Variants in ZNF814 observed in about 807,000 individuals in gnomAD.
ZNF814 encodes zinc finger protein 814.
In ZNF814, 5 loss-of-function variants were observed where a neutral mutation model predicts 7.5. The observed-to-expected ratio is 0.67, with a 90% CI of 0.35 to 1.40. ZNF814 has a LOEUF of 1.40. Among genes scored for constraint, ZNF814 ranks in the 40% most tolerant of loss-of-function variants. ZNF814 has a pLI of 0.04. For missense variants in ZNF814, 962 were observed against 1,018.0 expected, an observed-to-expected ratio of 0.94 and a Z score of 0.75; for synonymous variants, 315 against 340.7, an observed-to-expected ratio of 0.92 and a Z score of 0.83.
the ZNF814 span, among the ~76,000 whole-genome samples, chr19:57,898,857 C>CG: frequency 6.6e-6 from 1 of 150,854 alleles, no homozygotes; most frequent in East Asian, 2.0e-4. Context: ...AGGAGAATGG[C>CG]TGAACCAGGG....
At chr19:57,905,097 T>C in the ZNF814 span, among the ~76,000 whole-genome samples, 1 of 138,442 alleles carries the variant, frequency 7.2e-6, no homozygotes, top group African/African-American at 2.7e-5. Flanking sequence ...AATCCTCGAA[T>C]GTTCTCTGAA....
At position 57,873,848 on chromosome 19, in the gene ZNF814, G is replaced by A. The variant is rs2071579162; in HGVS notation, c.1542C>T (p.His514=). 6.2e-7 allele frequency: 1 copy of A among 1,613,890 alleles called. No individual in the cohort carries two copies. The highest frequency in any genetic ancestry group is 1.3e-5 in the African/African-American group (1 of 74,874). ...CACACTCATAAGGTCTTGCTCCAGT[G>A]TGAACTCGCTGGTGTAGAACGAGGT... is the stretch of plus-strand genomic sequence containing the variant. ...KGNLVLHQRV[H]TGARPYECGE... Residue 514 remains histidine (H), a synonymous_variant, in exon 3 of 3, where the codon CAC becomes CAT. Coordinates refer to ENST00000435989, the MANE Select transcript of ZNF814 (RefSeq NM_001144989.2).
rs759571491 is a variant in ZNF814, at chr19:57,874,129, T to A, written c.1261A>T (p.Ser421Cys). Residue 421 changes from serine to cysteine, a missense_variant, in exon 3 of 3, where the codon AGC (serine) becomes TGC (cysteine). Ser to Cys is a moderately radical substitution (Grantham distance 112). Coordinates refer to ENST00000435989, the MANE Select transcript of ZNF814 (RefSeq NM_001144989.2). ...GECGKSFSQKSSLIQHQRFHT... is the reference protein window; with the variant it reads ...GECGKSFSQKCSLIQHQRFHT... ...AATCGCTGATGTTGAATGAGGCTGC[T>A]CTTTTGACTAAAGGATTTCCCACAT... 3.1e-6 allele frequency: 5 copies of A among 1,597,600 alleles called. No homozygotes were observed. In the South Asian group the frequency reaches 5.6e-5, roughly 18 times the overall value.
At chr19:57,880,108 A>G (rs144794875) in intron 1 of ZNF814, among the ~76,000 whole-genome samples, 20,270 of 120,450 alleles carry the variant, frequency 0.17, 599 homozygotes, top group East Asian at 0.24. Flanking sequence ...AAAAAAAAAA[A>G]GCAAAAACAA....
chr19:57,870,915 G>C lies in ZNF814; in HGVS notation c.*1907C>G, dbSNP rs2071551876. On this transcript the variant is annotated 3_prime_UTR_variant, in exon 3 of 3. Transcript: ENST00000435989. ...GAATCGTTTGAACCTGGGAGGCAGAGGTTGCCGTGAGCCAAGATTATGCCA... is the reference window on the plus strand; with the variant it reads ...GAATCGTTTGAACCTGGGAGGCAGACGTTGCCGTGAGCCAAGATTATGCCA... 1 of 152,116 alleles carries C rather than the reference G, an allele frequency of 6.6e-6. No individual in the cohort carries two copies. Among genetic ancestry groups the C allele is most frequent in the Admixed American group, 6.6e-5 (1 of 15,254 alleles). 9.4% of individuals were successfully genotyped at this position (152,116 alleles called of 1,614,324 possible).
In ZNF814 at chr19:57,874,016, G is replaced by A. The variant is rs535111017; in HGVS notation, c.1374C>T (p.His458=). ...CACACTTGAAAGGTCTTTCTCCGGC[G>A]TGAACTCGTTGATGGCTCCTAAGAT... is the stretch of plus-strand genomic sequence containing the variant. ...EGHLRSHQRV[H]AGERPFKCGE... Residue 458 remains histidine (H), a synonymous_variant, in exon 3 of 3, where the codon CAC becomes CAT. Transcript: ENST00000435989. The A allele has an allele frequency of 1.5e-5, 24 of 1,613,354 alleles. No homozygotes were observed. The highest frequency in any genetic ancestry group is 6.7e-5 in the African/African-American group (5 of 74,940).
chr19:57,878,354 T>C (rs1467414972), intron 1 of ZNF814, among the ~76,000 whole-genome samples: 1 of 151,944 alleles, frequency 6.6e-6, no homozygotes, highest in Admixed American at 6.6e-5. Context: ...ATTGACTTAT[T>C]TGAATAACTC....
rs114919501 is a variant in ZNF814, at chr19:57,884,489, C to T, written c.36+4278G>A. Among the ~76,000 whole-genome samples the T allele has an allele frequency of 4.8e-3, 731 of 152,232 alleles. 4 individuals are homozygous for T. Among genetic ancestry groups the T allele is most frequent in the African/African-American group, 0.017 (710 of 41,538 alleles). ...GCTAGCCAAGGCAAGGTGGCACATG[C>T]CTGTGGTGGTCCCTGCCACTTGGGA... On this transcript the variant is annotated intron_variant, in intron 1 of 2. Transcript: ENST00000435989.
rs756390818 is a variant in ZNF814 at position 57,873,761 on chromosome 19, A to G, written c.1629T>C (p.Thr543=). 2 of 1,613,708 alleles carry G rather than the reference A, an allele frequency of 1.2e-6. No homozygotes were observed. The highest frequency in any genetic ancestry group is 1.7e-6 in the Non-Finnish European group (2 of 1,179,922). ...GHLRNHQQIH[T]GDRLYECGEC... The stretch of plus-strand genomic sequence containing the variant: ...CTCCACACTCATAAAGTCTGTCCCC[A>G]GTGTGAATTTGCTGATGGTTCCTAA... Residue 543 remains threonine, a synonymous_variant, in exon 3 of 3, where the codon ACT becomes ACC. Transcript: ENST00000435989.
chr19:57,877,124 C>A (rs1347794479), intron 1 of ZNF814, 82 bp from the exon 2 acceptor site: 2 of 1,567,932 alleles, frequency 1.3e-6, no homozygotes, highest in South Asian at 1.2e-5. Flanking sequence ...CATCTACTCT[C>A]GCACATCCTC....
rs763230200 is a variant in ZNF814 at position 57,873,726 on chromosome 19, T to A, written c.1664A>T (p.Lys555Ile). The change falls in exon 3 of 3, where the codon AAA (lysine) becomes ATA (isoleucine). Residue 555 changes from lysine (K) to isoleucine (I), a missense_variant. This residue lies in a region of ZNF814 where 665 missense variants were observed against 551.4 expected (regional missense o/e 1.21). Coordinates refer to ENST00000435989, the MANE Select transcript of ZNF814 (RefSeq NM_001144989.2). ...DRLYECGECG[K>I]SFSHKGTLIL... Reference sequence around the variant, plus strand: ...GAGGGTGCCTTTATGACTAAAAGATTTCCCACACTCTCCACACTCATAAAG... The same window carrying A: ...GAGGGTGCCTTTATGACTAAAAGATATCCCACACTCTCCACACTCATAAAG... 6.2e-7 allele frequency: 1 copy of A among 1,613,472 alleles called. No individual in the cohort carries two copies. The highest frequency in any genetic ancestry group is 8.5e-7 in the Non-Finnish European group (1 of 1,179,744).
the ZNF814 span, among the ~76,000 whole-genome samples, chr19:57,894,453 T>C: frequency 2.0e-5 from 3 of 151,984 alleles, no homozygotes; most frequent in Non-Finnish European, 4.4e-5. Context: ...TTTTAGTCTG[T>C]AAATGAAACA....
intron 1 of ZNF814, among the ~76,000 whole-genome samples, chr19:57,882,687 T>G (rs2071658359): frequency 7.2e-6 from 1 of 138,224 alleles, no homozygotes; most frequent in Non-Finnish European, 1.5e-5. Context: ...TCTGCAAGAG[T>G]CACAGCATTA....
chr19:57,872,717 G>A lies in ZNF814; in HGVS notation c.*105C>T, dbSNP rs1219984814. 6.2e-7 allele frequency: 1 copy of A among 1,606,438 alleles called. No homozygotes were observed. The highest frequency in any genetic ancestry group is 2.2e-5 in the East Asian group (1 of 44,774). On this transcript the variant is annotated 3_prime_UTR_variant, in exon 3 of 3. Coordinates refer to ENST00000435989, the MANE Select transcript of ZNF814 (RefSeq NM_001144989.2). ...ACAGAATGCAGAGCTGTGGGTAGAT[G>A]ACTTCCCACAATCACTGCATTCATA...
At position 57,870,274 on chromosome 19, in the gene ZNF814, G is replaced by A. The variant is rs748165716; in HGVS notation, c.*2548C>T. The A allele has an allele frequency of 1.3e-5, 2 of 152,098 alleles. No homozygotes were observed. The highest frequency in any genetic ancestry group is 2.9e-5 in the Non-Finnish European group (2 of 68,012). The allele number at this position is 152,098 out of a possible 1,614,324, so 9.4% of individuals were successfully genotyped here. A position where few individuals can be genotyped will look rare whatever the true frequency, so the allele number is the denominator to read the frequency against. ...AAATAATAATAATAATTAAAAAAAT[G>A]CAGTTCAAAAGAAAAATATAGATTT... On this transcript the variant is annotated 3_prime_UTR_variant, in exon 3 of 3. Transcript: ENST00000435989.
In ZNF814 at chr19:57,874,060, A is replaced by T. The variant is rs2071582117; in HGVS notation, c.1330T>A (p.Ser444Thr). 3 of 1,609,638 alleles carry T rather than the reference A, an allele frequency of 1.9e-6. No homozygotes were observed. The highest frequency in any genetic ancestry group is 1.7e-5 in the Admixed American group (1 of 58,904). Residue 444 changes from serine (S) to threonine (T), a missense_variant, in exon 3 of 3, where the codon TCT becomes ACT. Around this residue, in one of 7 missense-constraint regions of ZNF814, gnomAD observed 665 missense variants for 551.4 expected, o/e 1.21. Transcript: ENST00000435989. ...CTAAGATGTCCTTCTGAACTAAAAGATTTCCCACATTCTTCACACCCATAA... is the reference window on the plus strand; with the variant it reads ...CTAAGATGTCCTTCTGAACTAAAAGTTTTCCCACATTCTTCACACCCATAA... ...KPYGCEECGKSFSSEGHLRSH... is the reference protein window; with the variant it reads ...KPYGCEECGKTFSSEGHLRSH...
At chr19:57,894,645 C>T in the ZNF814 span, among the ~76,000 whole-genome samples, 291 of 150,914 alleles carry the variant, frequency 1.9e-3, no homozygotes, top group Middle Eastern at 6.9e-3. Flanking sequence ...CTGGCTAACA[C>T]GGTGAAACCC....
chr19:57,873,301 A>G lies in ZNF814; in HGVS notation c.2089T>C (p.Phe697Leu). 6.3e-7 allele frequency: 1 copy of G among 1,589,530 alleles called. No individual in the cohort carries two copies. The highest frequency in any genetic ancestry group is 1.3e-5 in the African/African-American group (1 of 74,144). Residue 697 changes from phenylalanine to leucine, a missense_variant, in exon 3 of 3, where the codon TTT becomes CTT. Phe to Leu is a conservative substitution (Grantham distance 22). Transcript: ENST00000435989. Reference protein sequence around the residue: ...PYVCRECGKLFKKKSHLLVHQ... With the variant: ...PYVCRECGKLLKKKSHLLVHQ... ...ACAAGGAGGTGAGACTTCTTCTTAA[A>G]TAATTTTCCACATTCCCTACATACA...
chr19:57,888,891 G>T lies in ZNF814; in HGVS notation c.-89C>A. On this transcript the variant is annotated 5_prime_UTR_variant, in exon 1 of 3. Coordinates refer to ENST00000435989, the MANE Select transcript of ZNF814 (RefSeq NM_001144989.2). The stretch of plus-strand genomic sequence containing the variant: ...ACGGTCCGTATCCTGGCCCAGGAGT[G>T]GGTCACGCTGGGCGCCGTCACAGAG... The T allele has an allele frequency of 7.1e-7, 1 of 1,409,900 alleles. No homozygotes were observed. The highest frequency in any genetic ancestry group is 1.2e-5 in the South Asian group (1 of 80,142). 87.3% of individuals were successfully genotyped at this position (1,409,900 alleles called of 1,614,324 possible). A position where few individuals can be genotyped will look rare whatever the true frequency, so the allele number is the denominator to read the frequency against.
Sources: allele counts gnomAD v4.1 joint callset (sites outside exome capture counted in the v4.1 genomes callset), GRCh38; gene constraint gnomAD v4.1.1; regional missense constraint gnomAD v4.1.1; transcripts MANE v1.5; gene names NCBI Gene and HGNC (gene_info 2026-07-23, HGNC 2026-07-21).